Variants in ZC3H13 observed in about 807,000 individuals in gnomAD.
ZC3H13 encodes zinc finger CCCH-type containing 13.
Under a neutral mutation model 204.1 loss-of-function variants are expected in ZC3H13, and 64 were observed. The observed-to-expected ratio is 0.31, with a 90% CI of 0.26 to 0.39. ZC3H13 has a LOEUF of 0.39. Ranked by LOEUF, ZC3H13 falls within the 10% of genes least tolerant of loss-of-function variation. ZC3H13 has a pLI of 1.00. For missense variants in ZC3H13, 1,833 were observed against 2,082.7 expected (o/e 0.88, Z 2.33); for synonymous variants, 667 against 693.7 (o/e 0.96, Z 0.60).
At chr13:46,019,284 C>A (rs111516349) in intron 5 of ZC3H13, among the ~76,000 whole-genome samples, 1 of 152,092 alleles carries the variant, frequency 6.6e-6, no homozygotes, top group Admixed American at 6.6e-5. Flanking sequence ...TCGACTTGGC[C>A]ACTGTAGCTC....
At chr13:46,033,131 A>C (rs1784932875) in intron 4 of ZC3H13, among the ~76,000 whole-genome samples, 1 of 152,080 alleles carries the variant, frequency 6.6e-6, no homozygotes, top group South Asian at 2.1e-4. Flanking sequence ...TTTAGCTTTG[A>C]AATCATGTAA....
rs1431922997 is a variant in ZC3H13, at chr13:45,955,099, G to A, written c.*2028C>T. 2 of 152,148 alleles carry A rather than the reference G, an allele frequency of 1.3e-5. No homozygotes were observed. Among genetic ancestry groups the A allele is most frequent in the Non-Finnish European group, 2.9e-5 (2 of 68,018 alleles). 9.4% of individuals were successfully genotyped at this position (152,148 alleles called of 1,614,324 possible). A position where few individuals can be genotyped will look rare whatever the true frequency, so the allele number is the denominator to read the frequency against. On this transcript the variant is annotated 3_prime_UTR_variant, in exon 19 of 19. Coordinates refer to ENST00000679008, the MANE Select transcript of ZC3H13 (RefSeq NM_001330564.2). Reference sequence around the variant, plus strand: ...GCAATTATGGCAACTGGACAGACCTGAGCCGTCAGTTATGAGATAGATGAC... The same window carrying A: ...GCAATTATGGCAACTGGACAGACCTAAGCCGTCAGTTATGAGATAGATGAC...
chr13:46,007,983 A>G (rs940209546), intron 7 of ZC3H13, among the ~76,000 whole-genome samples: 2 of 152,220 alleles, frequency 1.3e-5, no homozygotes, highest in African/African-American at 4.8e-5. Context: ...TATCTCATAT[A>G]TCAGGACAAA....
intron 4 of ZC3H13, among the ~76,000 whole-genome samples, chr13:46,041,241 G>A (rs2043558990): frequency 6.6e-6 from 1 of 152,066 alleles, no homozygotes. Flanking sequence ...AATATTATCT[G>A]ACAAAAATAA....
At position 45,967,787 on chromosome 13, in the gene ZC3H13, C is replaced by CTCTCGT; in HGVS notation, c.4032_4037dup (p.Glu1348_Arg1349dup). 4 of 1,611,782 alleles carry CTCTCGT rather than the reference C, an allele frequency of 2.5e-6. No individual in the cohort carries two copies. Among genetic ancestry groups the CTCTCGT allele is most frequent in the East Asian group, 2.2e-5 (1 of 44,760 alleles). On this transcript the variant is annotated inframe_insertion, in exon 15 of 19. Coordinates refer to ENST00000679008, the MANE Select transcript of ZC3H13 (RefSeq NM_001330564.2). ...AGTCTCTCCTTTTGTCTCGTTCTCTCTCTCGTTCTCGTTCTCGCAATCTAT... is the reference window on the plus strand; with the variant it reads ...AGTCTCTCCTTTTGTCTCGTTCTCTCTCTCGTTCTCGTTCTCGTTCTCGCAATCTAT...
chr13:46,006,655 G>GAAC (rs1026690842), intron 7 of ZC3H13, among the ~76,000 whole-genome samples: 2 of 123,568 alleles, frequency 1.6e-5, no homozygotes, highest in African/African-American at 6.3e-5. Context: ...TAAAATCCTA[G>GAAC]AACTTATTTC....
At position 46,020,578 on chromosome 13, in the gene ZC3H13, A is replaced by G. The variant is rs772939807; in HGVS notation, c.340-21T>C. On this transcript the variant is annotated intron_variant, in intron 4 of 18. Transcript: ENST00000679008. ...TCTTTCTAAAAAAGTACATACATAC[A>G]TTCAGATTACTATATTTTTAAAAAT... The G allele has an allele frequency of 6.1e-6, 9 of 1,475,418 alleles. No individual in the cohort carries two copies. In the Admixed American group the frequency reaches 6.2e-5, roughly 10 times the overall value. The allele number at this position is 1,475,418 out of a possible 1,614,324, so 91.4% of individuals were successfully genotyped here.
intron 1 of ZC3H13, chr13:46,051,993 A>G (rs2044465970): frequency 3.6e-5 from 5 of 137,560 alleles, no homozygotes; most frequent in Admixed American, 2.3e-4. Flanking sequence ...ATCACTGCTG[A>G]GGGAAAAAAA....
In ZC3H13 at chr13:45,955,430, C is replaced by T. The variant is rs975700203; in HGVS notation, c.*1697G>A. 2 of 152,116 alleles carry T rather than the reference C, an allele frequency of 1.3e-5. No individual in the cohort carries two copies. The highest frequency in any genetic ancestry group is 4.8e-5 in the African/African-American group (2 of 41,438). 9.4% of individuals were successfully genotyped at this position (152,116 alleles called of 1,614,324 possible). A position where few individuals can be genotyped will look rare whatever the true frequency, so the allele number is the denominator to read the frequency against. On this transcript the variant is annotated 3_prime_UTR_variant, in exon 19 of 19. Coordinates refer to ENST00000679008, the MANE Select transcript of ZC3H13 (RefSeq NM_001330564.2). ...AACAAAAAGATTTCAAACTGAAAGA[C>T]AACAGGTTTAACTGAATGACAGATT... is the stretch of plus-strand genomic sequence containing the variant.
intron 6 of ZC3H13, among the ~76,000 whole-genome samples, chr13:46,010,763 G>A (rs963567330): frequency 6.6e-6 from 1 of 151,390 alleles, no homozygotes; most frequent in Admixed American, 6.6e-5. Flanking sequence ...GGCATGGAAG[G>A]TGCCTATGGT....
chr13:46,010,335 T>G lies in ZC3H13; in HGVS notation c.746+13A>C, dbSNP rs773325139. On this transcript the variant is annotated intron_variant, in intron 7 of 18. Transcript: ENST00000679008. ...AAAGCTATTTTCTCGATACTATTTA[T>G]CACCCTACTGACCTCTGCTGGTCCA... is the stretch of plus-strand genomic sequence containing the variant. 1 of 1,572,890 alleles carries G rather than the reference T, an allele frequency of 6.4e-7. No homozygotes were observed. The highest frequency in any genetic ancestry group is 2.3e-5 in the East Asian group (1 of 44,420).
At chr13:45,971,216 G>C (rs1299127280) in intron 12 of ZC3H13, among the ~76,000 whole-genome samples, 2 of 151,712 alleles carry the variant, frequency 1.3e-5, no homozygotes, top group African/African-American at 4.8e-5. Context: ...ATATCTCTTG[G>C]GTACTTAAAT....
chr13:46,029,944 TCATAA>T (rs1035550687), intron 4 of ZC3H13, among the ~76,000 whole-genome samples: 2 of 152,192 alleles, frequency 1.3e-5, no homozygotes, highest in Non-Finnish European at 2.9e-5. Flanking sequence ...TATATTTGTA[TCATAA>T]CATGTTATGC....
At chr13:45,961,678 T>C (rs576063055) in intron 17 of ZC3H13, among the ~76,000 whole-genome samples, 1 of 151,904 alleles carries the variant, frequency 6.6e-6, no homozygotes, top group Non-Finnish European at 1.5e-5. Flanking sequence ...CACCCTGTTG[T>C]AGAAACTGTT....
At chr13:45,989,140 T>C (rs763325611) in intron 8 of ZC3H13, 43 bp from the exon 9 acceptor site, 8 of 1,553,536 alleles carry the variant, frequency 5.1e-6, no homozygotes, top group Non-Finnish European at 7.0e-6. Context: ...ATTCAAGAGC[T>C]TCATTTCTAG....
intron 9 of ZC3H13, among the ~76,000 whole-genome samples, chr13:45,986,858 G>C (rs143732444): frequency 6.6e-6 from 1 of 152,034 alleles, no homozygotes; most frequent in Admixed American, 6.5e-5. Context: ...CTTTCTCATG[G>C]ACCCAAACAT....
At chr13:46,049,675 T>C (rs2044262509) in intron 1 of ZC3H13, among the ~76,000 whole-genome samples, 1 of 152,190 alleles carries the variant, frequency 6.6e-6, no homozygotes, top group Non-Finnish European at 1.5e-5. Flanking sequence ...TTCAATCCTA[T>C]TTAAAACTTT....
chr13:46,026,747 C>G (rs1049611626), intron 4 of ZC3H13, among the ~76,000 whole-genome samples: 14 of 151,854 alleles, frequency 9.2e-5, no homozygotes, highest in Admixed American at 2.6e-4. Context: ...GAGAACTTCC[C>G]GAAAATAACT....
intron 3 of ZC3H13, 64 bp downstream of exon 3, chr13:46,044,891 T>C (rs962694): frequency 0.74 from 873,928 of 1,179,588 alleles, 325,522 homozygotes; most frequent in African/African-American, 0.86. Context: ...CAGATTTTTA[T>C]ACTAGATAAA....
Sources: allele counts gnomAD v4.1 joint callset (sites outside exome capture counted in the v4.1 genomes callset), GRCh38; gene constraint gnomAD v4.1.1; transcripts MANE v1.5; gene names NCBI Gene and HGNC (gene_info 2026-07-23, HGNC 2026-07-21).